The following ZNF875 variants were observed in gnomAD, a reference collection of about 807,000 sequenced individuals.
ZNF875 encodes the protein HKR1, GLI-Kruppel zinc finger family member.
Under a neutral mutation model 11.2 loss-of-function variants are expected in ZNF875, and 14 were observed. That is an observed-to-expected ratio of 1.26 (90% CI 0.83 to 1.96). ZNF875 has a LOEUF of 1.96. Ranked by LOEUF, ZNF875 falls within the 30% of genes most tolerant of loss-of-function variation. The probability of loss-of-function intolerance (pLI) is 0.00; values close to 1 mark genes in which losing one functional copy is unlikely to be tolerated. For missense variants in ZNF875, 752 were observed against 760.4 expected (o/e 0.99, Z 0.13); for synonymous variants, 301 against 281.1 (o/e 1.07, Z -0.71).
At chr19:37,335,721 G>T (rs2034230221) in intron 2 of ZNF875, among the ~76,000 whole-genome samples, 1 of 152,204 alleles carries the variant, frequency 6.6e-6, no homozygotes, top group South Asian at 2.1e-4. Context: ...ACTTCAAGGA[G>T]CCAGGCGCCA....
At chr19:37,357,404 A>T (rs527585814) in intron 4 of ZNF875, among the ~76,000 whole-genome samples, 1 of 152,282 alleles carries the variant, frequency 6.6e-6, no homozygotes, top group Admixed American at 6.5e-5. Context: ...ATTGCATTGA[A>T]TCTGTAGATT....
Position 37,362,698 on chromosome 19 carries a change from T to C in ZNF875, c.846T>C (p.Tyr282=), listed in dbSNP as rs376405953. The change falls in exon 5 of 5, where the codon TAT becomes TAC. Residue 282 remains tyrosine, a synonymous_variant. Coordinates refer to ENST00000392153, the MANE Select transcript of ZNF875 (RefSeq NM_001353803.2). The part of the protein sequence containing the change: ...NPRTHSGGKP[Y]VCRECGRGFT... ...GGACACACTCTGGGGGAAAGCCTTA[T>C]GTGTGCAGGGAATGTGGGCGAGGCT... The C allele has an allele frequency of 4.3e-6, 7 of 1,613,566 alleles. No individual in the cohort carries two copies. The highest frequency in any genetic ancestry group is 1.1e-5 in the South Asian group (1 of 90,970).
upstream of ZNF875, among the ~76,000 whole-genome samples, chr19:37,333,682 C>T (rs1035745557): frequency 3.3e-5 from 5 of 152,016 alleles, no homozygotes; most frequent in African/African-American, 1.2e-4. Flanking sequence ...ACTGACAATT[C>T]AACAATTGTC....
chr19:37,343,914 A>C (rs765155060), intron 2 of ZNF875, among the ~76,000 whole-genome samples: 1 of 152,166 alleles, frequency 6.6e-6, no homozygotes, highest in Non-Finnish European at 1.5e-5. Context: ...CTTAGCCTAT[A>C]TAAAAAGAAG....
intron 1 of ZNF875, among the ~76,000 whole-genome samples, chr19:37,322,028 GA>G: frequency 6.6e-6 from 1 of 152,190 alleles, no homozygotes; most frequent in Non-Finnish European, 1.5e-5. Context: ...GTCCTGCACA[GA>G]ACAGGCTAAC....
At chr19:37,357,840 T>C (rs1434236004) in intron 4 of ZNF875, 2 of 396,238 alleles carry the variant, frequency 5.0e-6, no homozygotes, top group Non-Finnish European at 8.9e-6. Context: ...TTTGACTCCC[T>C]CTTTTCCTAT....
intron 2 of ZNF875, among the ~76,000 whole-genome samples, chr19:37,339,428 T>G (rs1568593169): frequency 6.6e-6 from 1 of 152,146 alleles, no homozygotes; most frequent in Non-Finnish European, 1.5e-5. Flanking sequence ...TGATCAGCTT[T>G]GTACATGAAA....
intron 4 of ZNF875, among the ~76,000 whole-genome samples, chr19:37,326,801 G>A (rs1478349479): frequency 3.4e-5 from 5 of 147,958 alleles, no homozygotes; most frequent in Admixed American, 6.9e-5. Flanking sequence ...CCGAGTACCC[G>A]GGATTACAGA....
chr19:37,353,169 C>T (rs945927854), intron 4 of ZNF875, among the ~76,000 whole-genome samples: 7 of 152,116 alleles, frequency 4.6e-5, no homozygotes, highest in African/African-American at 9.7e-5. Flanking sequence ...CCACCGCGCC[C>T]GGCTCCTTTT....
At chr19:37,340,876 C>T (rs1346187436) in intron 2 of ZNF875, among the ~76,000 whole-genome samples, 2 of 151,916 alleles carry the variant, frequency 1.3e-5, no homozygotes, top group Non-Finnish European at 2.9e-5. Flanking sequence ...TCTCGATCTC[C>T]TGACCTCATG....
At chr19:37,358,026 C>T (rs189596823) in intron 4 of ZNF875, 1 of 387,058 alleles carries the variant, frequency 2.6e-6, no homozygotes, top group East Asian at 3.6e-5. Context: ...ACAGATAACT[C>T]TTCTTATTTT....
In ZNF875 at chr19:37,321,159, C is replaced by A. The variant is rs1245968143; in HGVS notation, c.-746-1026C>A. 2.0e-5 allele frequency among the ~76,000 whole-genome samples: 3 copies of A among 152,164 alleles called. No individual in the cohort carries two copies. The East Asian group carries it at 5.8e-4, about 30-fold the overall frequency. ...CCCCTTGTGATGGTCTGGAATATGG[C>A]CCCGTGGGAAGGAAAAGACCTGACG... On this transcript the variant is annotated intron_variant, in intron 1 of 5. Transcript: ENST00000544914.
chr19:37,313,559 A>G (rs2030053041), upstream of ZNF875, among the ~76,000 whole-genome samples: 2 of 152,056 alleles, frequency 1.3e-5, no homozygotes, highest in Non-Finnish European at 2.9e-5. Flanking sequence ...CATTGATTCC[A>G]TGGACCTCAT....
intron 4 of ZNF875, among the ~76,000 whole-genome samples, chr19:37,358,972 C>T (rs930361633): frequency 2.0e-5 from 3 of 152,048 alleles, no homozygotes; most frequent in Admixed American, 1.3e-4. Context: ...ACAATCTCGG[C>T]TCACTGCAAC....
At chr19:37,361,974 G>T (rs557105215) in intron 4 of ZNF875, 135 bp from the exon 5 acceptor site, 8 of 634,628 alleles carry the variant, frequency 1.3e-5, no homozygotes, top group Middle Eastern at 4.2e-4. Context: ...AAAAATAGAT[G>T]CTGGGAAGGA....
intron 4 of ZNF875, chr19:37,359,308 C>T (rs893615563): frequency 6.1e-6 from 1 of 165,202 alleles, no homozygotes; most frequent in Non-Finnish European, 1.3e-5. Flanking sequence ...CATTTGCATT[C>T]ATCCGTCCTC....
chr19:37,344,458 G>A (rs1288266124), intron 2 of ZNF875, among the ~76,000 whole-genome samples: 1 of 152,098 alleles, frequency 6.6e-6, no homozygotes, highest in Non-Finnish European at 1.5e-5. Flanking sequence ...GCCTCTTTTG[G>A]GTAATCTGTG....
At chr19:37,325,092 A>G (rs2032193621) in intron 4 of ZNF875, 1 of 151,970 alleles carries the variant, frequency 6.6e-6, no homozygotes, top group Non-Finnish European at 1.5e-5. Context: ...TTTCATTTCT[A>G]TTATGATTTG....
upstream of ZNF875, among the ~76,000 whole-genome samples, chr19:37,331,968 A>G (rs528584744): frequency 7.4e-4 from 95 of 127,864 alleles, 1 homozygote; most frequent in African/African-American, 2.6e-3. Flanking sequence ...ATCTACTGAG[A>G]TAGGGAAAAA....
Sources: gnomAD v4.1 joint callset for allele counts (sites outside exome capture counted in the v4.1 genomes callset) on GRCh38, gnomAD v4.1.1 for gene constraint, MANE v1.5 for transcripts, NCBI Gene and HGNC (gene_info 2026-07-23, HGNC 2026-07-21) for gene names.